The following EPSTI1 variants were observed in gnomAD, a reference collection of about 807,000 sequenced individuals.
The protein encoded by EPSTI1 is epithelial stromal interaction 1.
Under a neutral mutation model 49.9 loss-of-function variants are expected in EPSTI1, and 66 were observed. That is an observed-to-expected ratio of 1.32 (90% CI 1.08 to 1.62). The LOEUF (loss-of-function observed/expected upper bound fraction) is 1.62. Ranked by LOEUF, EPSTI1 falls within the 40% of genes most tolerant of loss-of-function variation. The pLI is 0.00. For synonymous variants in EPSTI1, 137 were observed against 130.7 expected (o/e 1.05, Z -0.33); for missense variants, 394 against 365.5 (o/e 1.08, Z -0.64).
intron 6 of EPSTI1, among the ~76,000 whole-genome samples, chr13:42,951,622 A>G (rs898757205): frequency 6.6e-6 from 1 of 152,208 alleles, no homozygotes; most frequent in African/African-American, 2.4e-5. Context: ...GTAAAACACA[A>G]ACTCAAGAAG....
At chr13:42,944,439 T>C (rs1294074491) in intron 6 of EPSTI1, among the ~76,000 whole-genome samples, 1 of 152,104 alleles carries the variant, frequency 6.6e-6, no homozygotes, top group African/African-American at 2.4e-5. Context: ...AAACACTGCA[T>C]GTTCTCATTC....
intron 1 of EPSTI1, among the ~76,000 whole-genome samples, chr13:42,975,474 G>A (rs1002701469): frequency 3.9e-5 from 6 of 152,132 alleles, no homozygotes; most frequent in Non-Finnish European, 7.3e-5. Context: ...TCTGTTAGAC[G>A]GCTGAATACA....
chr13:42,962,619 C>CAAAAAAAAA (rs67950561), intron 5 of EPSTI1, among the ~76,000 whole-genome samples: 1 of 132,910 alleles, frequency 7.5e-6, no homozygotes. Context: ...ACAAAAAATA[C>CAAAAAAAAA]AAAAAAAAAA....
intron 1 of EPSTI1, among the ~76,000 whole-genome samples, chr13:42,987,064 A>T (rs900213350): frequency 6.6e-6 from 1 of 152,098 alleles, no homozygotes; most frequent in Non-Finnish European, 1.5e-5. Flanking sequence ...TAAATATAGT[A>T]ATTTCTGCGA....
chr13:42,916,372 A>G (rs1184051192), intron 8 of EPSTI1, among the ~76,000 whole-genome samples: 1 of 152,162 alleles, frequency 6.6e-6, no homozygotes, highest in African/African-American at 2.4e-5. Flanking sequence ...ATTTCTTTCA[A>G]TGATTTAATG....
intron 5 of EPSTI1, among the ~76,000 whole-genome samples, chr13:42,956,540 A>C (rs1205963791): frequency 6.6e-6 from 1 of 152,170 alleles, no homozygotes; most frequent in Non-Finnish European, 1.5e-5. Context: ...GCCAGTGTTC[A>C]GCTCACCAAG....
In EPSTI1 at chr13:42,991,052, T is replaced by A. The variant is rs1345548859; in HGVS notation, c.188+926A>T. ...TAAAAGCTACCTATCTGTTCCTGCA[T>A]AGAGCACATATCAACATCAGGGATG... On this transcript the variant is annotated intron_variant, in intron 1 of 10. Transcript: ENST00000313624. The A allele has an allele frequency of 9.2e-5, 14 of 152,260 alleles. 1 individual carries two copies. Among genetic ancestry groups the A allele is most frequent in the Non-Finnish European group, 1.5e-5 (1 of 68,066 alleles). 9.4% of individuals were successfully genotyped at this position (152,260 alleles called of 1,614,324 possible).
At chr13:42,974,427 G>A (rs2039835402) in intron 1 of EPSTI1, among the ~76,000 whole-genome samples, 2 of 152,312 alleles carry the variant, frequency 1.3e-5, no homozygotes, top group African/African-American at 4.8e-5. Context: ...GGAGGCCAGG[G>A]CGGGCGGATC....
intron 10 of EPSTI1, among the ~76,000 whole-genome samples, chr13:42,893,791 C>G (rs907169869): frequency 6.6e-6 from 1 of 152,178 alleles, no homozygotes; most frequent in Non-Finnish European, 1.5e-5. Flanking sequence ...TGACCAAAAT[C>G]TAAATTCCAA....
chr13:42,947,332 T>A (rs1001174047), intron 6 of EPSTI1, among the ~76,000 whole-genome samples: 2 of 152,016 alleles, frequency 1.3e-5, no homozygotes, highest in African/African-American at 4.8e-5. Context: ...TTGCCAACCA[T>A]GTATACAGTA....
chr13:42,948,938 C>A (rs2039007530), intron 6 of EPSTI1, among the ~76,000 whole-genome samples: 1 of 152,132 alleles, frequency 6.6e-6, no homozygotes, highest in Non-Finnish European at 1.5e-5. Flanking sequence ...AAGTGGATTC[C>A]AGAAAGAAAA....
In EPSTI1 at chr13:42,953,996, C is replaced by CTT. The variant is rs1303733667; in HGVS notation, c.513_514dup (p.Arg172LysfsTer24). 6.2e-7 allele frequency: 1 copy of CTT among 1,612,402 alleles called. No homozygotes were observed. Among genetic ancestry groups the CTT allele is most frequent in the Non-Finnish European group, 8.5e-7 (1 of 1,179,722 alleles). ...TTCTCTTCTAAGGTTTTCTTGAAGTCTTTTTTTCTCCTCCAGTTTATTGCT... is the reference window on the plus strand; with the variant it reads ...TTCTCTTCTAAGGTTTTCTTGAAGTCTTTTTTTTTCTCCTCCAGTTTATTGCT... On this transcript the variant is annotated frameshift_variant, in exon 6 of 11. Coordinates refer to ENST00000313624, the MANE Select transcript of EPSTI1 (RefSeq NM_033255.5). LOFTEE classifies it high-confidence loss of function.
chr13:42,972,390 C>A (rs1388067951), intron 1 of EPSTI1, among the ~76,000 whole-genome samples: 3 of 152,184 alleles, frequency 2.0e-5, no homozygotes, highest in Non-Finnish European at 2.9e-5. Flanking sequence ...AGGTACCACA[C>A]TTGGAAAACC....
intron 8 of EPSTI1, among the ~76,000 whole-genome samples, chr13:42,907,269 T>A (rs2037523682): frequency 6.6e-6 from 1 of 152,250 alleles, no homozygotes; most frequent in African/African-American, 2.4e-5. Flanking sequence ...CTCTATTTTA[T>A]GATCTTTGTT....
At chr13:42,903,705 G>T (rs369222754) in intron 8 of EPSTI1, among the ~76,000 whole-genome samples, 1 of 152,198 alleles carries the variant, frequency 6.6e-6, no homozygotes, top group Non-Finnish European at 1.5e-5. Flanking sequence ...GCCGACTACT[G>T]TAAGAAAGAT....
chr13:42,968,151 T>C (rs1020394157), intron 3 of EPSTI1, among the ~76,000 whole-genome samples: 3 of 152,196 alleles, frequency 2.0e-5, no homozygotes, highest in Admixed American at 6.6e-5. Flanking sequence ...GGGGCCAAGC[T>C]AGGAAAGATT....
intron 8 of EPSTI1, among the ~76,000 whole-genome samples, chr13:42,907,060 C>T (rs1415249358): frequency 6.6e-6 from 1 of 152,176 alleles, no homozygotes; most frequent in Non-Finnish European, 1.5e-5. Flanking sequence ...AGTCACTCCA[C>T]TGTATAACAG....
chr13:42,968,562 C>T (rs183594873), intron 3 of EPSTI1, among the ~76,000 whole-genome samples: 29 of 152,218 alleles, frequency 1.9e-4, no homozygotes, highest in African/African-American at 7.0e-4. Context: ...ATTCATCACA[C>T]TGGCAGCACC....
chr13:42,991,871 T>C, intron 1 of EPSTI1, 107 bp downstream of exon 1: 2 of 1,235,454 alleles, frequency 1.6e-6, no homozygotes, highest in Non-Finnish European at 2.3e-6. Flanking sequence ...TCAAAATCCC[T>C]GTTGTTGGGC....
Sources: allele counts gnomAD v4.1 joint callset (sites outside exome capture counted in the v4.1 genomes callset), GRCh38; gene constraint gnomAD v4.1.1; transcripts MANE v1.5; gene names NCBI Gene and HGNC (gene_info 2026-07-23, HGNC 2026-07-21).